Variants in TIAM1 observed in about 807,000 individuals in gnomAD.
The protein encoded by TIAM1 is TIAM Rac1 associated GEF 1, also known as rho guanine nucleotide exchange factor TIAM1.
TIAM1 carries 65 observed loss-of-function variants against 163.5 expected under a neutral mutation model. That is an observed-to-expected ratio of 0.40 (90% CI 0.33 to 0.49). TIAM1 has a LOEUF of 0.49. Ranked by LOEUF, TIAM1 falls within the 20% of genes least tolerant of loss-of-function variation. The probability of loss-of-function intolerance (pLI) is 0.77; values close to 1 mark genes in which losing one functional copy is unlikely to be tolerated. For synonymous variants in TIAM1, 833 were observed against 810.1 expected, an observed-to-expected ratio of 1.03 and a Z score of -0.48; for missense variants, 1,789 against 2,044.7, an observed-to-expected ratio of 0.87 and a Z score of 2.41.
intron 13 of TIAM1, among the ~76,000 whole-genome samples, chr21:31,191,917 C>T (rs1004236155): frequency 3.9e-5 from 6 of 152,186 alleles, no homozygotes; most frequent in African/African-American, 7.2e-5. Context: ...TTGATCTTTG[C>T]TAGTTTATCC....
rs188263596 is a variant in TIAM1, at chr21:31,416,924, A to G, written c.-369+47059T>C. Among the ~76,000 whole-genome samples, 864 of 152,350 alleles carry G rather than the reference A, an allele frequency of 5.7e-3. 5 individuals are homozygous for G. The highest frequency in any genetic ancestry group is 7.6e-3 in the Non-Finnish European group (516 of 68,030). The stretch of plus-strand genomic sequence containing the variant: ...TGGGACCGAATCAACAAGTCAAAGG[A>G]ATGTCTTTAATGGGGATGCTGCCTG... On this transcript the variant is annotated intron_variant, in intron 2 of 28. Coordinates refer to the TIAM1 transcript ENST00000286827.
chr21:31,332,016 C>T (rs909300741), intron 2 of TIAM1, among the ~76,000 whole-genome samples: 19 of 152,180 alleles, frequency 1.2e-4, no homozygotes, highest in Non-Finnish European at 1.5e-5. Context: ...CCTGTGTTCT[C>T]TTCACCTGGC....
intron 2 of TIAM1, among the ~76,000 whole-genome samples, chr21:31,459,208 C>T (rs2045230753): frequency 6.6e-6 from 1 of 152,180 alleles, no homozygotes; most frequent in Non-Finnish European, 1.5e-5. Context: ...ACCTCCCAGG[C>T]TCACACGATC....
At chr21:31,208,243 C>T (rs760971043) in intron 11 of TIAM1, among the ~76,000 whole-genome samples, 1 of 152,184 alleles carries the variant, frequency 6.6e-6, no homozygotes, top group African/African-American at 2.4e-5. Context: ...CAATGGTAAT[C>T]GGAAAACTTT....
At chr21:31,507,833 G>A (rs899069427) in intron 1 of TIAM1, among the ~76,000 whole-genome samples, 1 of 152,168 alleles carries the variant, frequency 6.6e-6, no homozygotes, top group Non-Finnish European at 1.5e-5. Flanking sequence ...GCCCAGGGGT[G>A]GGTGTGTGCT....
chr21:31,452,107 C>T (rs188237987), intron 2 of TIAM1, among the ~76,000 whole-genome samples: 3 of 152,214 alleles, frequency 2.0e-5, no homozygotes, highest in Admixed American at 2.0e-4. Flanking sequence ...TTGTATAACC[C>T]CTCCCCTTGA....
chr21:31,285,577 A>G (rs989069630), intron 2 of TIAM1, among the ~76,000 whole-genome samples: 2 of 152,196 alleles, frequency 1.3e-5, no homozygotes, highest in African/African-American at 4.8e-5. Flanking sequence ...GAGAGATTTC[A>G]CGCCAGGCAT....
At chr21:31,361,840 G>T (rs1301767747) in intron 2 of TIAM1, among the ~76,000 whole-genome samples, 1 of 134,982 alleles carries the variant, frequency 7.4e-6, no homozygotes, top group East Asian at 2.3e-4. Context: ...AGAAAGATTA[G>T]ATAGATAGAT....
At chr21:31,487,018 AG>A (rs2046295170) in intron 1 of TIAM1, among the ~76,000 whole-genome samples, 5 of 152,150 alleles carry the variant, frequency 3.3e-5, no homozygotes, top group Admixed American at 3.3e-4. Context: ...GCAGATCTTC[AG>A]GGGCTGGGAA....
At chr21:31,507,142 T>A (rs2047055253) in intron 1 of TIAM1, among the ~76,000 whole-genome samples, 1 of 150,450 alleles carries the variant, frequency 6.6e-6, no homozygotes, top group Non-Finnish European at 1.5e-5. Context: ...ATATGGTAAT[T>A]CTATTTTTAA....
At chr21:31,423,296 C>T (rs1051815550) in intron 2 of TIAM1, among the ~76,000 whole-genome samples, 15 of 151,802 alleles carry the variant, frequency 9.9e-5, no homozygotes, top group Admixed American at 5.9e-4. Flanking sequence ...GACAGGGTTT[C>T]ACCATGTTAG....
intron 1 of TIAM1, among the ~76,000 whole-genome samples, chr21:31,475,229 T>A (rs529341362): frequency 1.7e-3 from 255 of 151,954 alleles, no homozygotes; most frequent in African/African-American, 5.9e-3. Context: ...ATTTTTGTAT[T>A]CCTTTGTAGA....
intron 2 of TIAM1, among the ~76,000 whole-genome samples, chr21:31,404,907 T>G (rs2077222055): frequency 6.6e-6 from 1 of 152,144 alleles, no homozygotes; most frequent in Admixed American, 6.6e-5. Flanking sequence ...AACAGCTCCC[T>G]GTTCCTCCTA....
intron 1 of TIAM1, among the ~76,000 whole-genome samples, chr21:31,509,725 TAA>T (rs967303793): frequency 1.3e-5 from 2 of 152,014 alleles, no homozygotes; most frequent in Admixed American, 6.6e-5. Context: ...CTAAAAGGGA[TAA>T]AAGTCAGAGG....
At chr21:31,153,225 A>G in intron 17 of TIAM1, 91 bp from the exon 18 acceptor site, 1 of 1,088,680 alleles carries the variant, frequency 9.2e-7, no homozygotes, top group Non-Finnish European at 1.3e-6. Context: ...TAATGTCTAT[A>G]AAAGGATCTA....
intron 2 of TIAM1, among the ~76,000 whole-genome samples, chr21:31,296,887 T>C (rs901517978): frequency 4.6e-5 from 7 of 152,138 alleles, no homozygotes; most frequent in African/African-American, 1.7e-4. Flanking sequence ...ATGGTCTTGA[T>C]TTCCTGACCT....
intron 1 of TIAM1, among the ~76,000 whole-genome samples, chr21:31,526,143 C>T (rs1482841081): frequency 6.6e-6 from 1 of 152,164 alleles, no homozygotes; most frequent in Non-Finnish European, 1.5e-5. Context: ...TGTGTTCAGG[C>T]CTGGCAGGCA....
intron 6 of TIAM1, among the ~76,000 whole-genome samples, chr21:31,228,837 G>A (rs1322421719): frequency 2.0e-5 from 3 of 152,114 alleles, no homozygotes; most frequent in Non-Finnish European, 2.9e-5. Context: ...CTCAGGAAAC[G>A]TACAATCATG....
chr21:31,163,699 T>C (rs1162798493), intron 16 of TIAM1, among the ~76,000 whole-genome samples: 1 of 152,216 alleles, frequency 6.6e-6, no homozygotes, highest in Non-Finnish European at 1.5e-5. Context: ...ATAGTTCATG[T>C]TTGAAAAGCA....
Sources: allele counts gnomAD v4.1 joint callset (sites outside exome capture counted in the v4.1 genomes callset), GRCh38; gene constraint gnomAD v4.1.1; transcripts MANE v1.5; gene names NCBI Gene and HGNC (gene_info 2026-07-23, HGNC 2026-07-21).